UNC13B: variants seen among roughly 807,000 people sequenced by gnomAD.
UNC13B encodes protein unc-13 homolog B.
UNC13B carries 144 observed loss-of-function variants against 211.0 expected under a neutral mutation model. That is an observed-to-expected ratio of 0.68 (90% confidence interval 0.60 to 0.78). The LOEUF (loss-of-function observed/expected upper bound fraction) is 0.78. Ranked by LOEUF, UNC13B falls within the 30% of genes least tolerant of loss-of-function variation. UNC13B has a pLI of 0.00. For synonymous variants in UNC13B, 709 were observed against 725.8 expected (o/e 0.98, Z 0.37); for missense variants, 1,777 against 2,002.0 (o/e 0.89, Z 2.14).
At position 35,400,313 on chromosome 9, in the gene UNC13B, A is replaced by G. The variant is rs1427262449; in HGVS notation, c.12354A>G (p.Gly4118=). 6.2e-7 allele frequency: 1 copy of G among 1,614,042 alleles called. No individual in the cohort carries two copies. Among genetic ancestry groups the G allele is most frequent in the East Asian group, 2.2e-5 (1 of 44,892 alleles). Residue 4118 remains glycine, a synonymous_variant, in exon 37 of 40, where the codon GGA becomes GGG. Coordinates refer to ENST00000635942, the MANE Select transcript of UNC13B (RefSeq NM_001371189.2). ...TCTTGCAGCAATACTTCCATGCAGGAGGCAATGGGCTGAAGAAAACCTTCC... is the reference window on the plus strand; with the variant it reads ...TCTTGCAGCAATACTTCCATGCAGGGGGCAATGGGCTGAAGAAAACCTTCC... ...LDTIKQYFHA[G]GNGLKKTFLE... is the part of the protein sequence containing the mutation.
At chr9:35,182,053 G>C (rs1440201913) in intron 1 of UNC13B, among the ~76,000 whole-genome samples, 1 of 152,132 alleles carries the variant, frequency 6.6e-6, no homozygotes, top group Admixed American at 6.6e-5. Flanking sequence ...GGAAGAAGCT[G>C]TGGAGTGATT....
chr9:35,397,127 A>G (rs1466208017), intron 28 of UNC13B, 40 bp from the exon 29 acceptor site: 20 of 1,610,274 alleles, frequency 1.2e-5, no homozygotes, highest in Non-Finnish European at 1.7e-5. Flanking sequence ...GGGAAAAGAT[A>G]GCAGCTGTGG....
In UNC13B at chr9:35,390,701, A is replaced by G; in HGVS notation, c.11295A>G (p.Lys3765=). The change falls in exon 26 of 40, where the codon AAA becomes AAG. Residue 3765 remains lysine, a synonymous_variant. Coordinates refer to ENST00000635942, the MANE Select transcript of UNC13B (RefSeq NM_001371189.2). ...GGCATTTGTTTGCCCAAGACATGAAATATGCATTGGAGGGTAAGGATCTGT... is the reference window on the plus strand; with the variant it reads ...GGCATTTGTTTGCCCAAGACATGAAGTATGCATTGGAGGGTAAGGATCTGT... ...VMWHLFAQDM[K]YALEEHEKDH... 1.2e-6 allele frequency: 2 copies of G among 1,614,050 alleles called. No homozygotes were observed. The highest frequency in any genetic ancestry group is 1.7e-6 in the Non-Finnish European group (2 of 1,179,988).
At chr9:35,220,651 T>C (rs1431556873) in intron 1 of UNC13B, among the ~76,000 whole-genome samples, 1 of 152,220 alleles carries the variant, frequency 6.6e-6, no homozygotes. Context: ...CCATTGTGTA[T>C]ATGTAGCACA....
At chr9:35,206,668 G>A (rs918940103) in intron 1 of UNC13B, among the ~76,000 whole-genome samples, 3 of 152,110 alleles carry the variant, frequency 2.0e-5, no homozygotes, top group African/African-American at 7.2e-5. Flanking sequence ...GAGGTCAAGA[G>A]ATCGAGACCA....
intron 1 of UNC13B, among the ~76,000 whole-genome samples, chr9:35,213,933 A>G (rs947801351): frequency 6.6e-6 from 1 of 152,218 alleles, no homozygotes; most frequent in African/African-American, 2.4e-5. Flanking sequence ...CTGTGGATAC[A>G]GCTACACTTT....
chr9:35,283,126 CTCCCA>C (rs2131735661), intron 7 of UNC13B, among the ~76,000 whole-genome samples: 2 of 152,258 alleles, frequency 1.3e-5, no homozygotes, highest in South Asian at 4.1e-4. Flanking sequence ...TCAAATGAAT[CTCCCA>C]TCCTCTATTA....
chr9:35,225,568 A>G (rs1449200011), intron 1 of UNC13B, among the ~76,000 whole-genome samples: 2 of 150,666 alleles, frequency 1.3e-5, no homozygotes, highest in Non-Finnish European at 3.0e-5. Flanking sequence ...AGATGTATCT[A>G]TATTGTTGCT....
At chr9:35,326,295 A>C (rs1831006405) in intron 11 of UNC13B, among the ~76,000 whole-genome samples, 2 of 152,186 alleles carry the variant, frequency 1.3e-5, no homozygotes, top group Admixed American at 1.3e-4. Flanking sequence ...CTCCTCTTAA[A>C]CATAGGGGAT....
chr9:35,281,604 A>G (rs1440310409), intron 7 of UNC13B, among the ~76,000 whole-genome samples: 1 of 152,194 alleles, frequency 6.6e-6, no homozygotes, highest in Non-Finnish European at 1.5e-5. Context: ...AGGAAATGAT[A>G]TCTCAAACAA....
chr9:35,248,859 A>G (rs576663220), intron 6 of UNC13B, among the ~76,000 whole-genome samples: 1 of 152,144 alleles, frequency 6.6e-6, no homozygotes, highest in Admixed American at 6.5e-5. Context: ...AGTTCTGTAG[A>G]TGTCTATTAG....
intron 6 of UNC13B, among the ~76,000 whole-genome samples, chr9:35,253,322 T>A (rs1483186841): frequency 6.6e-6 from 1 of 152,150 alleles, no homozygotes; most frequent in East Asian, 1.9e-4. Flanking sequence ...TTAATTTTTT[T>A]GTGGAGGTGG....
At chr9:35,342,226 G>A (rs1832046419) in intron 11 of UNC13B, 1 of 985,616 alleles carries the variant, frequency 1.0e-6, no homozygotes, top group Non-Finnish European at 1.2e-6. Flanking sequence ...GTCAAACCAA[G>A]GAGTGCTCCT....
At chr9:35,385,411 A>T (rs1385324590) in intron 22 of UNC13B, 2 of 985,410 alleles carry the variant, frequency 2.0e-6, no homozygotes, top group African/African-American at 3.5e-5. Context: ...CCAAGAAAAA[A>T]GCATGTGTGT....
intron 7 of UNC13B, among the ~76,000 whole-genome samples, chr9:35,275,621 C>T (rs1045384967): frequency 2.0e-5 from 3 of 152,092 alleles, no homozygotes; most frequent in Non-Finnish European, 4.4e-5. Context: ...GAGATGGAGT[C>T]TCGCTTTGTT....
Position 35,376,226 on chromosome 9 carries a change from C to T in UNC13B, c.9814C>T (p.Leu3272Phe), listed in dbSNP as rs1564177747. ...GTGCCATGAGAAGTGCCAGGATCTG[C>T]TCAATGCTGACTGCCTGCAGCGTGA... ...VKCHEKCQDLLNADCLQRAAE... is the reference protein window; with the variant it reads ...VKCHEKCQDLFNADCLQRAAE... The change falls in exon 15 of 40, where the codon CTC (leucine) becomes TTC (phenylalanine). Residue 3272 changes from leucine to phenylalanine, a missense_variant. Transcript: ENST00000635942. 6.2e-7 allele frequency: 1 copy of T among 1,613,898 alleles called. No individual in the cohort carries two copies. Among genetic ancestry groups the T allele is most frequent in the East Asian group, 2.2e-5 (1 of 44,878 alleles).
At chr9:35,280,501 T>A (rs1054973995) in intron 7 of UNC13B, among the ~76,000 whole-genome samples, 6 of 152,140 alleles carry the variant, frequency 3.9e-5, no homozygotes, top group Admixed American at 6.5e-5. Context: ...CACGAAAATA[T>A]ACTAGTTATG....
At chr9:35,187,678 A>T (rs1358645490) in intron 1 of UNC13B, among the ~76,000 whole-genome samples, 2 of 152,234 alleles carry the variant, frequency 1.3e-5, no homozygotes, top group Non-Finnish European at 2.9e-5. Flanking sequence ...GGAATTTTAG[A>T]TAAAACCTCT....
chr9:35,317,225 G>A lies in UNC13B; in HGVS notation c.9414+3236G>A, dbSNP rs528866209. 1.4e-4 allele frequency among the ~76,000 whole-genome samples: 21 copies of A among 152,220 alleles called. No homozygotes were observed. In the South Asian group the frequency reaches 2.5e-3, roughly 18 times the overall value. On this transcript the variant is annotated intron_variant, in intron 11 of 39. Coordinates refer to ENST00000635942, the MANE Select transcript of UNC13B (RefSeq NM_001371189.2). ...GTTTGTTTATTTATTTATTGAGACA[G>A]GGTCTTACTCTGTCGCTTAGGCTGG...
Sources: gnomAD v4.1 joint callset for allele counts (sites outside exome capture counted in the v4.1 genomes callset) on GRCh38, gnomAD v4.1.1 for gene constraint, MANE v1.5 for transcripts, NCBI Gene and HGNC (gene_info 2026-07-23, HGNC 2026-07-21) for gene names.